Variants in VPS53 observed in about 807,000 individuals in gnomAD.
VPS53 encodes VPS53 subunit of GARP complex, also known as vacuolar protein sorting-associated protein 53 homolog.
In VPS53, 70 loss-of-function variants were observed where a neutral mutation model predicts 107.0. The ratio of observed to expected loss-of-function variants is 0.65; its 90% CI spans 0.54 to 0.80. VPS53 has a LOEUF of 0.80. Ranked by LOEUF, VPS53 falls within the 30% of genes least tolerant of loss-of-function variation. The pLI, the probability that VPS53 is intolerant of heterozygous loss-of-function variation, is 0.00. For synonymous variants in VPS53, 409 were observed against 393.3 expected (o/e 1.04, Z -0.47); for missense variants, 917 against 1,049.4 (o/e 0.87, Z 1.74).
At chr17:641,158 T>C (rs1662997970) in intron 7 of VPS53, among the ~76,000 whole-genome samples, 1 of 152,176 alleles carries the variant, frequency 6.6e-6, no homozygotes, top group South Asian at 2.1e-4. Flanking sequence ...GCCCAGCCTC[T>C]ACCAATAGCA....
intron 7 of VPS53, among the ~76,000 whole-genome samples, chr17:646,112 T>C (rs12947246): frequency 6.0e-5 from 5 of 83,460 alleles, no homozygotes; most frequent in African/African-American, 1.7e-4. Context: ...GACTGGCTCT[T>C]ACACACATCT....
chr17:592,578 C>T (rs944360702), intron 12 of VPS53, among the ~76,000 whole-genome samples: 1 of 152,108 alleles, frequency 6.6e-6, no homozygotes, highest in Non-Finnish European at 1.5e-5. Flanking sequence ...TCTTTTAGGG[C>T]AGGTCTGGTG....
intron 7 of VPS53, among the ~76,000 whole-genome samples, chr17:635,129 C>T (rs535971217): frequency 1.3e-5 from 2 of 152,308 alleles, no homozygotes; most frequent in Admixed American, 6.5e-5. Context: ...TTTTGATTTG[C>T]ATTTCTCTGA....
At chr17:614,129 T>C (rs966699926) in intron 11 of VPS53, among the ~76,000 whole-genome samples, 1 of 152,168 alleles carries the variant, frequency 6.6e-6, no homozygotes, top group Non-Finnish European at 1.5e-5. Context: ...AACTTGAAAG[T>C]CCTGCCTGCT....
At chr17:557,910 A>G (rs1336526714) in intron 15 of VPS53, among the ~76,000 whole-genome samples, 1 of 138,734 alleles carries the variant, frequency 7.2e-6, no homozygotes, top group Non-Finnish European at 1.5e-5. Context: ...CCCAGGCTGG[A>G]GTGCAGTGGT....
intron 13 of VPS53, among the ~76,000 whole-genome samples, chr17:573,761 G>GT (rs1371662631): frequency 6.6e-6 from 1 of 152,166 alleles, no homozygotes; most frequent in East Asian, 1.9e-4. Flanking sequence ...TCACATCTAG[G>GT]TATGTCTGGG....
At chr17:589,459 CATT>C (rs1168974278) in intron 12 of VPS53, among the ~76,000 whole-genome samples, 1 of 151,706 alleles carries the variant, frequency 6.6e-6, no homozygotes, top group East Asian at 1.9e-4. Flanking sequence ...GGGTAAAGGA[CATT>C]ATGTCTACAA....
In VPS53 at chr17:533,068, T is replaced by C. The variant is rs2304948; in HGVS notation, c.2016-157A>G. 119,140 of 1,341,942 alleles carry C rather than the reference T, an allele frequency of 0.089. 14,921 individuals carry two copies. The highest frequency in any genetic ancestry group is 0.54 in the African/African-American group (36,615 of 67,764). 83.1% of individuals were successfully genotyped at this position (1,341,942 alleles called of 1,614,324 possible). A position where few individuals can be genotyped will look rare whatever the true frequency, so the allele number is the denominator to read the frequency against. Reference sequence around the variant, plus strand: ...CCCATTATCTTATTTTTCTTCTGAGTGAAGTCCTGGTTTTGTTTAGTTACA... The same window carrying C: ...CCCATTATCTTATTTTTCTTCTGAGCGAAGTCCTGGTTTTGTTTAGTTACA... On this transcript the variant is annotated intron_variant, in intron 18 of 21. Transcript: ENST00000437048.
intron 15 of VPS53, among the ~76,000 whole-genome samples, chr17:555,523 G>T (rs546157891): frequency 2.0e-5 from 3 of 151,694 alleles, no homozygotes; most frequent in Admixed American, 6.6e-5. Flanking sequence ...TAGTAGAGAC[G>T]GGGGTTTTAC....
intron 19 of VPS53, among the ~76,000 whole-genome samples, chr17:525,342 G>A (rs1410501454): frequency 6.6e-6 from 1 of 152,150 alleles, no homozygotes; most frequent in Non-Finnish European, 1.5e-5. Context: ...GCAGGGTGGG[G>A]TTCATGGGGG....
intron 4 of VPS53, among the ~76,000 whole-genome samples, chr17:670,185 CTGAACTGGGCACTGG>C (rs36206032): frequency 0.9 from 134,568 of 150,324 alleles, 60,563 homozygotes; most frequent in Middle Eastern, 0.93. Flanking sequence ...ACTGGAGTTT[CTGAACTGGGCACTGG>C]TGAACTGGGC....
intron 12 of VPS53, among the ~76,000 whole-genome samples, chr17:586,892 ACT>A (rs1240558904): frequency 6.6e-6 from 1 of 151,812 alleles, no homozygotes; most frequent in Non-Finnish European, 1.5e-5. Flanking sequence ...TTAAACTAGA[ACT>A]CTTTCTGTTA....
intron 12 of VPS53, among the ~76,000 whole-genome samples, chr17:589,332 A>G (rs1967509533): frequency 1.3e-5 from 2 of 152,042 alleles, no homozygotes; most frequent in African/African-American, 4.8e-5. Context: ...CATTATGAAA[A>G]TCTTTAAAAG....
intron 10 of VPS53, among the ~76,000 whole-genome samples, chr17:624,088 C>T (rs1323863692): frequency 2.6e-5 from 4 of 151,656 alleles, no homozygotes; most frequent in African/African-American, 9.7e-5. Context: ...AAACTCCTGA[C>T]CTCAAGAGAT....
chr17:537,249 G>A (rs764804261), intron 17 of VPS53, 73 bp from the exon 18 acceptor site: 2 of 1,539,284 alleles, frequency 1.3e-6, no homozygotes, highest in Non-Finnish European at 1.8e-6. Context: ...GGGAAGGGAG[G>A]GGCTGGAGTG....
rs1908688611 is a variant in VPS53, at chr17:520,829, G to GAGCTGCTTCACCCTCACCTACATT, written c.2223+771_2223+772insAATGTAGGTGAGGGTGAAGCAGCT. 6.6e-6 allele frequency among the ~76,000 whole-genome samples: 1 copy of GAGCTGCTTCACCCTCACCTACATT among 151,014 alleles called. No individual in the cohort carries two copies. Among genetic ancestry groups the GAGCTGCTTCACCCTCACCTACATT allele is most frequent in the Admixed American group, 6.6e-5 (1 of 15,170 alleles). On this transcript the variant is annotated intron_variant, in intron 20 of 21. Transcript: ENST00000437048. The surrounding 1 kb of genome is among the most constrained non-coding windows in gnomAD (Gnocchi z 4.4). Reference sequence around the variant, plus strand: ...TGAGCTGCTTCACCCTCACCTACATGAGCTGCTTCACCCTCACCTACATGA... The same window carrying GAGCTGCTTCACCCTCACCTACATT: ...TGAGCTGCTTCACCCTCACCTACATGAGCTGCTTCACCCTCACCTACATTAGCTGCTTCACCCTCACCTACATGA...
intron 8 of VPS53, 106 bp from the exon 9 acceptor site, chr17:628,337 C>T: frequency 1.5e-6 from 2 of 1,339,368 alleles, no homozygotes; most frequent in Non-Finnish European, 2.0e-6. Flanking sequence ...AGTCTTACTC[C>T]TGCTCCTTCA....
At chr17:601,290 G>A (rs1014011711) in intron 12 of VPS53, among the ~76,000 whole-genome samples, 17 of 152,212 alleles carry the variant, frequency 1.1e-4, no homozygotes, top group Admixed American at 4.6e-4. Context: ...TAAAGTGTTA[G>A]TGTGCTCTGA....
intron 4 of VPS53, among the ~76,000 whole-genome samples, chr17:691,816 T>C (rs1315224883): frequency 6.6e-6 from 1 of 152,212 alleles, no homozygotes; most frequent in Non-Finnish European, 1.5e-5. Context: ...ACTGTCATAA[T>C]TGTGCTATTT....
Sources: allele counts gnomAD v4.1 joint callset (sites outside exome capture counted in the v4.1 genomes callset), GRCh38; gene constraint gnomAD v4.1.1; non-coding constraint Gnocchi (gnomAD v3.1); transcripts MANE v1.5; gene names NCBI Gene and HGNC (gene_info 2026-07-23, HGNC 2026-07-21).